TGFBR3: variants seen among roughly 807,000 people sequenced by gnomAD.
The protein encoded by TGFBR3 is transforming growth factor beta receptor 3.
A neutral mutation model predicts 87.9 loss-of-function variants in TGFBR3; 46 were observed. The ratio of observed to expected loss-of-function variants is 0.52; its 90% CI spans 0.41 to 0.67. The LOEUF is 0.67. Ranked by LOEUF, TGFBR3 falls within the 30% of genes least tolerant of loss-of-function variation. The pLI is 0.00. For missense variants in TGFBR3, 866 were observed against 1,041.9 expected, an observed-to-expected ratio of 0.83 and a Z score of 2.32; for synonymous variants, 381 against 391.6, an observed-to-expected ratio of 0.97 and a Z score of 0.32.
intron 2 of TGFBR3, among the ~76,000 whole-genome samples, chr1:91,835,455 G>A (rs531747888): frequency 6.6e-6 from 1 of 152,320 alleles, no homozygotes; most frequent in South Asian, 2.1e-4. Context: ...AGTAAAGGTT[G>A]GGGGCTTAGT....
rs113110199 is a variant in TGFBR3, at chr1:91,787,496, C to A, written c.246+9791G>T. Among the ~76,000 whole-genome samples the A allele has an allele frequency of 4.3e-3, 652 of 152,264 alleles. 4 individuals carry two copies. Among genetic ancestry groups the A allele is most frequent in the African/African-American group, 0.015 (629 of 41,562 alleles). On this transcript the variant is annotated intron_variant, in intron 3 of 16. Transcript: ENST00000212355. ...TCCAGTCCATATCTGAGGCACCTGG[C>A]AGCTCAAGATGGGACCCAAGAGCCG...
chr1:91,794,547 A>ATTTCCTTC (rs1293501847), intron 3 of TGFBR3, among the ~76,000 whole-genome samples: 1 of 151,672 alleles, frequency 6.6e-6, no homozygotes, highest in Non-Finnish European at 1.5e-5. Context: ...GTCAACCTCC[A>ATTTCCTTC]TTTCCTTCTT....
intron 3 of TGFBR3, among the ~76,000 whole-genome samples, chr1:91,776,767 GTTGTT>G (rs1674581507): frequency 6.6e-6 from 1 of 152,138 alleles, no homozygotes; most frequent in African/African-American, 2.4e-5. Context: ...GGAACTAATG[GTTGTT>G]CTGTCATTTG....
intron 2 of TGFBR3, among the ~76,000 whole-genome samples, chr1:91,825,214 T>C (rs932575030): frequency 3.9e-5 from 6 of 152,246 alleles, no homozygotes; most frequent in Non-Finnish European, 7.3e-5. Context: ...TTATTCCTCA[T>C]ATCCCCAGAC....
At chr1:91,688,152 G>A (rs1457207799) in intron 16 of TGFBR3, among the ~76,000 whole-genome samples, 2 of 151,994 alleles carry the variant, frequency 1.3e-5, no homozygotes, top group Non-Finnish European at 2.9e-5. Context: ...AGAAGTCACG[G>A]GGAAAAGACT....
At chr1:91,828,810 A>G (rs1418509547) in intron 2 of TGFBR3, among the ~76,000 whole-genome samples, 2 of 147,886 alleles carry the variant, frequency 1.4e-5, no homozygotes, top group African/African-American at 5.0e-5. Flanking sequence ...GGACCCTCCC[A>G]CTGCAGGTCC....
upstream of TGFBR3, chr1:91,886,240 G>T (rs1571606263): frequency 2.2e-6 from 1 of 444,858 alleles, no homozygotes; most frequent in South Asian, 1.6e-5. Context: ...CAGCGCGCGG[G>T]GGGAAGGGCG....
intron 14 of TGFBR3, among the ~76,000 whole-genome samples, chr1:91,707,874 G>A (rs977786581): frequency 6.6e-6 from 1 of 152,212 alleles, no homozygotes. Context: ...CCTTGGAGCT[G>A]TGATGCGGGT....
intron 2 of TGFBR3, among the ~76,000 whole-genome samples, chr1:91,896,079 T>TAC (rs1020020971): frequency 4.6e-5 from 7 of 152,132 alleles, no homozygotes; most frequent in Non-Finnish European, 7.4e-5. Context: ...AACAAACATA[T>TAC]ACACACACAC....
At chr1:91,764,317 C>CAAAAAAAAAAA (rs200776741) in intron 3 of TGFBR3, among the ~76,000 whole-genome samples, 226 of 76,924 alleles carry the variant, frequency 2.9e-3, no homozygotes, top group Non-Finnish European at 3.2e-3. Flanking sequence ...ACAAAAGAGA[C>CAAAAAAAAAAA]AAAAAAAAAA....
At chr1:91,742,550 T>G (rs1673192352) in intron 4 of TGFBR3, among the ~76,000 whole-genome samples, 3 of 152,264 alleles carry the variant, frequency 2.0e-5, no homozygotes, top group Admixed American at 2.0e-4. Flanking sequence ...AACCAATTAT[T>G]AAAGCATATT....
chr1:91,748,862 TAAAAC>T (rs1673437817), intron 4 of TGFBR3, among the ~76,000 whole-genome samples: 1 of 152,074 alleles, frequency 6.6e-6, no homozygotes, highest in Non-Finnish European at 1.5e-5. Context: ...TTCCTCATCT[TAAAAC>T]AAAGACAACA....
chr1:91,753,853 T>G (rs1012904721), intron 4 of TGFBR3, among the ~76,000 whole-genome samples: 21 of 152,228 alleles, frequency 1.4e-4, no homozygotes, highest in Admixed American at 9.8e-4. Context: ...CATCTGTTGG[T>G]AGACATTTGG....
intron 2 of TGFBR3, among the ~76,000 whole-genome samples, chr1:91,852,632 T>A (rs557845085): frequency 6.6e-6 from 1 of 152,108 alleles, no homozygotes; most frequent in African/African-American, 2.4e-5. Context: ...AGTGGCGCCA[T>A]CTCGGCTCAC....
At chr1:91,781,557 G>A (rs878950845) in intron 3 of TGFBR3, among the ~76,000 whole-genome samples, 1 of 152,164 alleles carries the variant, frequency 6.6e-6, no homozygotes, top group Admixed American at 6.5e-5. Context: ...AAATCTTTAT[G>A]AGTACCGTAA....
At chr1:91,698,677 T>A (rs1026504117) in intron 14 of TGFBR3, among the ~76,000 whole-genome samples, 1 of 152,086 alleles carries the variant, frequency 6.6e-6, no homozygotes, top group African/African-American at 2.4e-5. Flanking sequence ...AATTTTTATA[T>A]TTCTTGTAAA....
chr1:91,715,554 G>A (rs2100769194), intron 12 of TGFBR3, among the ~76,000 whole-genome samples: 1 of 152,306 alleles, frequency 6.6e-6, no homozygotes, highest in East Asian at 1.9e-4. Context: ...TAATAAATCT[G>A]CAGCAAATGT....
At chr1:91,813,986 AG>A (rs1242014643) in intron 2 of TGFBR3, among the ~76,000 whole-genome samples, 1 of 152,134 alleles carries the variant, frequency 6.6e-6, no homozygotes, top group Non-Finnish European at 1.5e-5. Context: ...CACGAGGTGG[AG>A]CTTAGGCAGT....
Position 91,716,804 on chromosome 1 carries a change from G to A in TGFBR3, c.1567-96C>T, listed in dbSNP as rs982294633. The stretch of plus-strand genomic sequence containing the variant: ...CAAACACTCATGTAATCATTCTGAT[G>A]CAAATTGAAAATCTGACTTTAAGAC... On this transcript the variant is annotated intron_variant, in intron 10 of 16. Coordinates refer to ENST00000212355, the MANE Select transcript of TGFBR3 (RefSeq NM_003243.5). The A allele has an allele frequency of 1.4e-5, 21 of 1,471,320 alleles. No individual in the cohort carries two copies. In the Admixed American group the frequency reaches 2.0e-4, roughly 14 times the overall value. The allele number at this position is 1,471,320 out of a possible 1,614,324, so 91.1% of individuals were successfully genotyped here.
Sources: allele counts gnomAD v4.1 joint callset (sites outside exome capture counted in the v4.1 genomes callset), GRCh38; gene constraint gnomAD v4.1.1; transcripts MANE v1.5; gene names NCBI Gene and HGNC (gene_info 2026-07-23, HGNC 2026-07-21).